Variants in OPCML observed in about 807,000 individuals in gnomAD.
OPCML encodes opioid-binding protein/cell adhesion molecule.
OPCML carries 13 observed loss-of-function variants against 37.8 expected under a neutral mutation model. The observed-to-expected ratio is 0.34, with a 90% CI of 0.22 to 0.55. The LOEUF is 0.55. OPCML is among the 20% of genes least tolerant of loss of function. The pLI, the probability that OPCML is intolerant of heterozygous loss-of-function variation, is 0.91. For missense variants in OPCML, 341 were observed against 435.6 expected (o/e 0.78, Z 1.93); for synonymous variants, 176 against 168.8 (o/e 1.04, Z -0.33).
chr11:132,847,401 A>G (rs1941596364), intron 2 of OPCML, among the ~76,000 whole-genome samples: 1 of 152,162 alleles, frequency 6.6e-6, no homozygotes, highest in Non-Finnish European at 1.5e-5. Context: ...ATTTGTACGT[A>G]GTTATTCAAA....
chr11:132,986,788 A>C (rs1159046748), intron 1 of OPCML, among the ~76,000 whole-genome samples: 1 of 152,226 alleles, frequency 6.6e-6, no homozygotes, highest in Non-Finnish European at 1.5e-5. Flanking sequence ...TCAGGGAAAA[A>C]GAAAATCCAG....
intron 2 of OPCML, among the ~76,000 whole-genome samples, chr11:132,797,331 T>C (rs557051191): frequency 6.6e-6 from 1 of 152,356 alleles, no homozygotes; most frequent in Non-Finnish European, 1.5e-5. Context: ...TGCATATCCA[T>C]TTGTCCCCAT....
intron 1 of OPCML, among the ~76,000 whole-genome samples, chr11:133,169,515 T>A (rs1461746066): frequency 6.6e-6 from 1 of 152,226 alleles, no homozygotes; most frequent in South Asian, 2.1e-4. Context: ...TGCTGTAAAA[T>A]CACTGTTCTT....
intron 1 of OPCML, among the ~76,000 whole-genome samples, chr11:133,329,097 A>T (rs1344395097): frequency 6.6e-6 from 1 of 152,206 alleles, no homozygotes; most frequent in African/African-American, 2.4e-5. Context: ...CTTCAAAGAG[A>T]ATAAAATATC....
chr11:132,570,282 C>T (rs951097620), intron 3 of OPCML, among the ~76,000 whole-genome samples: 3 of 152,046 alleles, frequency 2.0e-5, no homozygotes, highest in African/African-American at 7.2e-5. Flanking sequence ...AGTCACATGG[C>T]CTTTGAAGCC....
At chr11:132,857,202 G>A (rs994006892) in intron 2 of OPCML, among the ~76,000 whole-genome samples, 1 of 152,158 alleles carries the variant, frequency 6.6e-6, no homozygotes, top group African/African-American at 2.4e-5. Flanking sequence ...ATTTCATAGC[G>A]AGTTTAATTT....
intron 1 of OPCML, among the ~76,000 whole-genome samples, chr11:133,225,372 C>A (rs1939997834): frequency 6.6e-6 from 1 of 152,164 alleles, no homozygotes; most frequent in African/African-American, 2.4e-5. Context: ...TTCTTAGATC[C>A]AAACATTGGC....
chr11:133,048,871 A>C (rs1229254145), intron 1 of OPCML, among the ~76,000 whole-genome samples: 1 of 152,242 alleles, frequency 6.6e-6, no homozygotes, highest in African/African-American at 2.4e-5. Context: ...CATTTTGACC[A>C]TAAAGTGCCA....
At chr11:133,214,908 G>A (rs1055253475) in intron 1 of OPCML, among the ~76,000 whole-genome samples, 5 of 152,108 alleles carry the variant, frequency 3.3e-5, no homozygotes, top group African/African-American at 1.2e-4. Context: ...CAGCAAATGA[G>A]GCAATCTCTG....
intron 1 of OPCML, among the ~76,000 whole-genome samples, chr11:133,352,255 T>A (rs1294746416): frequency 6.6e-6 from 1 of 152,222 alleles, no homozygotes; most frequent in African/African-American, 2.4e-5. Flanking sequence ...GTACCCCGTT[T>A]CCTGAAGCTT....
chr11:133,087,151 G>C (rs1361520376), intron 1 of OPCML, among the ~76,000 whole-genome samples: 3 of 152,230 alleles, frequency 2.0e-5, no homozygotes, highest in Non-Finnish European at 4.4e-5. Flanking sequence ...CTGCTGGTTA[G>C]TGAGAGCTGA....
rs559477132 is a variant in OPCML, at chr11:133,151,760, C to T, written c.62-208750G>A. On this transcript the variant is annotated intron_variant, in intron 1 of 7. Coordinates refer to ENST00000524381, the MANE Select transcript of OPCML (RefSeq NM_001012393.5). ...TATCACGGGATCAGTTAGGGCTTCTCGAGAGAAGAGCAGGAGATGGAGGTG... is the reference window on the plus strand; with the variant it reads ...TATCACGGGATCAGTTAGGGCTTCTTGAGAGAAGAGCAGGAGATGGAGGTG... 3.8e-4 allele frequency among the ~76,000 whole-genome samples: 58 copies of T among 152,168 alleles called. 1 individual carries two copies. Among genetic ancestry groups the T allele is most frequent in the African/African-American group, 1.3e-3 (55 of 41,510 alleles).
intron 2 of OPCML, among the ~76,000 whole-genome samples, chr11:132,871,486 G>A (rs1046589283): frequency 2.0e-5 from 3 of 152,174 alleles, no homozygotes; most frequent in Admixed American, 6.5e-5. Flanking sequence ...ATTGTATTAG[G>A]TATTGTAAGT....
intron 1 of OPCML, among the ~76,000 whole-genome samples, chr11:132,953,871 C>A (rs1206783985): frequency 6.6e-6 from 1 of 152,252 alleles, no homozygotes; most frequent in East Asian, 1.9e-4. Context: ...AAAGAACGAG[C>A]AAAATGTATG....
intron 3 of OPCML, among the ~76,000 whole-genome samples, chr11:132,604,845 T>TG (rs2137802535): frequency 6.6e-6 from 1 of 152,292 alleles, no homozygotes; most frequent in East Asian, 1.9e-4. Flanking sequence ...GAGGGTATAG[T>TG]GAAGCATTGA....
chr11:132,697,957 ATTTAT>A (rs892668208), intron 2 of OPCML, among the ~76,000 whole-genome samples: 1,653 of 148,796 alleles, frequency 0.011, 25 homozygotes, highest in African/African-American at 0.037. Context: ...TTTTATATTA[ATTTAT>A]TTTATTTTAT....
At chr11:133,025,350 G>C in intron 1 of OPCML, 4 of 985,294 alleles carry the variant, frequency 4.1e-6, no homozygotes, top group Non-Finnish European at 4.8e-6. Flanking sequence ...TTAAGTTTTC[G>C]ATTATATAAC....
intron 1 of OPCML, among the ~76,000 whole-genome samples, chr11:133,406,762 G>A (rs893778172): frequency 1.3e-5 from 2 of 152,246 alleles, no homozygotes; most frequent in African/African-American, 4.8e-5. Flanking sequence ...TCAGAGGTCA[G>A]GGGACTGGCA....
At chr11:133,137,400 G>A (rs974733137) in intron 1 of OPCML, among the ~76,000 whole-genome samples, 6 of 152,160 alleles carry the variant, frequency 3.9e-5, no homozygotes, top group African/African-American at 1.4e-4. Context: ...AAACAATGTG[G>A]ATACAACACT....
Sources: gnomAD v4.1 joint callset for allele counts (sites outside exome capture counted in the v4.1 genomes callset) on GRCh38, gnomAD v4.1.1 for gene constraint, MANE v1.5 for transcripts, NCBI Gene and HGNC (gene_info 2026-07-23, HGNC 2026-07-21) for gene names.